Variants in SYNPR observed in about 807,000 individuals in gnomAD.
The protein encoded by SYNPR is synaptoporin.
SYNPR carries 23 observed loss-of-function variants against 32.9 expected under a neutral mutation model. The observed-to-expected ratio is 0.70, with a 90% CI of 0.50 to 0.99. The LOEUF is 0.99. Among genes scored for constraint, SYNPR ranks in the 50% least tolerant of loss-of-function variants. The pLI is 0.00. For synonymous variants in SYNPR, 146 were observed against 135.9 expected (o/e 1.07, Z -0.52); for missense variants, 318 against 349.3 (o/e 0.91, Z 0.71).
At chr3:63,301,889 C>T (rs961266951) in intron 2 of SYNPR, among the ~76,000 whole-genome samples, 5 of 152,042 alleles carry the variant, frequency 3.3e-5, no homozygotes, top group Non-Finnish European at 5.9e-5. Context: ...GAATTAATTT[C>T]ACTCTTACTA....
chr3:63,454,562 T>C (rs1182207676), intron 2 of SYNPR, among the ~76,000 whole-genome samples: 2 of 152,166 alleles, frequency 1.3e-5, no homozygotes, highest in African/African-American at 2.4e-5. Context: ...AGAGAAACTA[T>C]GGCTCAGGAA....
rs1700285065 is a variant in SYNPR, at chr3:63,616,852, A to G, written c.*1371A>G. 6.6e-6 allele frequency: 1 copy of G among 152,334 alleles called. No individual in the cohort carries two copies. The highest frequency in any genetic ancestry group is 6.5e-5 in the Admixed American group (1 of 15,286). 9.4% of individuals were successfully genotyped at this position (152,334 alleles called of 1,614,324 possible). On this transcript the variant is annotated 3_prime_UTR_variant, in exon 6 of 6. Coordinates refer to ENST00000478300, the MANE Select transcript of SYNPR (RefSeq NM_001130003.2). ...TGTGTCTTAGATGATATCTGTAACC[A>G]GTTTCTGAATCCCGTTGGATAAAAC...
intron 2 of SYNPR, among the ~76,000 whole-genome samples, chr3:63,338,309 T>G (rs371568419): frequency 2.4e-4 from 37 of 152,340 alleles, no homozygotes; most frequent in African/African-American, 8.4e-4. Flanking sequence ...ATGAGAAGGT[T>G]CATGAGAAGA....
chr3:63,553,003 G>C (rs1343378553), intron 3 of SYNPR, among the ~76,000 whole-genome samples: 1 of 151,924 alleles, frequency 6.6e-6, no homozygotes, highest in Non-Finnish European at 1.5e-5. Context: ...TAGATATGGG[G>C]GTACATGTGC....
At chr3:63,299,048 A>T (rs1428723841) in intron 2 of SYNPR, among the ~76,000 whole-genome samples, 1 of 152,190 alleles carries the variant, frequency 6.6e-6, no homozygotes, top group Non-Finnish European at 1.5e-5. Context: ...TAGTTGCTGC[A>T]TTCTCCACCT....
chr3:63,604,060 T>C (rs6778730), intron 4 of SYNPR, among the ~76,000 whole-genome samples: 6,555 of 152,256 alleles, frequency 0.043, 333 homozygotes, highest in African/African-American at 0.12. Context: ...TTCATCTTCC[T>C]CCTGGTTCAA....
chr3:63,539,965 C>T (rs1041201949), intron 3 of SYNPR, among the ~76,000 whole-genome samples: 4 of 152,114 alleles, frequency 2.6e-5, no homozygotes, highest in African/African-American at 9.7e-5. Context: ...TGCCTGCTTG[C>T]AGCATAGTAA....
rs186677274 is a variant in SYNPR at position 63,503,876 on chromosome 3, T to C, written c.209+22920T>C. ...GTCTGAAAAAAATGAATTATTTAGA[T>C]ATCAATAATATTTTAATTAATTTAT... On this transcript the variant is annotated intron_variant, in intron 3 of 5. Transcript: ENST00000478300. Among the ~76,000 whole-genome samples the C allele has an allele frequency of 7.2e-5, 11 of 152,146 alleles. No homozygotes were observed. In the East Asian group the frequency reaches 2.1e-3, roughly 29 times the overall value.
intron 2 of SYNPR, among the ~76,000 whole-genome samples, chr3:63,365,168 G>A (rs1389744440): frequency 6.6e-6 from 1 of 152,198 alleles, no homozygotes; most frequent in Non-Finnish European, 1.5e-5. Flanking sequence ...GTCAGCTGAA[G>A]TGCAGGATAT....
intron 2 of SYNPR, among the ~76,000 whole-genome samples, chr3:63,308,801 C>A (rs547101736): frequency 1.6e-4 from 25 of 151,936 alleles, no homozygotes; most frequent in African/African-American, 6.0e-4. Flanking sequence ...TGGTTTTCTT[C>A]ATGTTTATTG....
the SYNPR span, among the ~76,000 whole-genome samples, chr3:63,207,876 C>A: frequency 1.3e-5 from 2 of 152,150 alleles, no homozygotes; most frequent in African/African-American, 4.8e-5. Flanking sequence ...CAAGAGGCTT[C>A]TTCACTGCTC....
chr3:63,388,008 A>G (rs1019608657), intron 2 of SYNPR, among the ~76,000 whole-genome samples: 8 of 152,194 alleles, frequency 5.3e-5, no homozygotes, highest in African/African-American at 1.7e-4. Flanking sequence ...GAGCCACAGC[A>G]TAGTCACAGG....
intron 3 of SYNPR, among the ~76,000 whole-genome samples, chr3:63,498,847 C>T (rs947055755): frequency 1.3e-5 from 2 of 151,408 alleles, no homozygotes; most frequent in African/African-American, 4.9e-5. Flanking sequence ...GCCATGGTGG[C>T]TCACACCTGT....
At chr3:63,562,708 G>C (rs1702711933) in intron 4 of SYNPR, among the ~76,000 whole-genome samples, 1 of 152,184 alleles carries the variant, frequency 6.6e-6, no homozygotes, top group South Asian at 2.1e-4. Context: ...GTGAGCGCTA[G>C]ACATTGGAAA....
At chr3:63,407,931 G>A (rs2088383133) in intron 2 of SYNPR, among the ~76,000 whole-genome samples, 1 of 151,826 alleles carries the variant, frequency 6.6e-6, no homozygotes, top group South Asian at 2.1e-4. Flanking sequence ...AGTTGTGTTG[G>A]GGCTTGGCAA....
intron 2 of SYNPR, among the ~76,000 whole-genome samples, chr3:63,383,542 C>T (rs1389658507): frequency 1.3e-5 from 2 of 152,126 alleles, no homozygotes; most frequent in Non-Finnish European, 2.9e-5. Flanking sequence ...CACAGTGAAA[C>T]CCCATTTCTG....
intron 2 of SYNPR, among the ~76,000 whole-genome samples, chr3:63,417,362 G>A (rs1012333272): frequency 2.6e-5 from 4 of 152,250 alleles, no homozygotes; most frequent in African/African-American, 4.8e-5. Flanking sequence ...TGGCTTTGCA[G>A]GGTGCAGCCT....
At chr3:63,270,096 A>C (rs2086521790) in intron 3 of SYNPR, among the ~76,000 whole-genome samples, 1 of 152,350 alleles carries the variant, frequency 6.6e-6, no homozygotes, top group Middle Eastern at 3.4e-3. Flanking sequence ...AATCTGGACA[A>C]AGCAGATGCC....
At chr3:63,428,803 T>G (rs55801822) in intron 2 of SYNPR, among the ~76,000 whole-genome samples, 20,481 of 152,146 alleles carry the variant, frequency 0.13, 1,476 homozygotes, top group Middle Eastern at 0.17. Flanking sequence ...TTCCAGGAGA[T>G]TGGGGATTGC....
Sources: allele counts gnomAD v4.1 joint callset (sites outside exome capture counted in the v4.1 genomes callset), GRCh38; gene constraint gnomAD v4.1.1; transcripts MANE v1.5; gene names NCBI Gene and HGNC (gene_info 2026-07-23, HGNC 2026-07-21).